The following FBLIM1 variants were observed in gnomAD, a reference collection of about 807,000 sequenced individuals.
FBLIM1 encodes filamin binding LIM protein 1, also known as filamin-binding LIM protein 1.
A neutral mutation model predicts 37.4 loss-of-function variants in FBLIM1; 29 were observed. The ratio of observed to expected loss-of-function variants is 0.77; its 90% CI spans 0.58 to 1.06. The LOEUF (loss-of-function observed/expected upper bound fraction) is 1.06. Ranked by LOEUF, FBLIM1 falls within the 50% of genes least tolerant of loss-of-function variation. The pLI, the probability that FBLIM1 is intolerant of heterozygous loss-of-function variation, is 0.00. For missense variants in FBLIM1, 449 were observed against 505.6 expected (o/e 0.89, Z 1.07); for synonymous variants, 193 against 199.0 (o/e 0.97, Z 0.25).
chr1:15,759,560 GC>G (rs111579388), intron 1 of FBLIM1, among the ~76,000 whole-genome samples: 1 of 152,150 alleles, frequency 6.6e-6, no homozygotes, highest in Non-Finnish European at 1.5e-5. Flanking sequence ...GCCGAGCCCA[GC>G]CCCCGGGCTG....
upstream of FBLIM1, chr1:15,758,288 T>C (rs1228151700): frequency 1.3e-5 from 2 of 152,206 alleles, no homozygotes; most frequent in Non-Finnish European, 2.9e-5. The surrounding 1 kb of genome is among the most constrained non-coding windows in gnomAD (Gnocchi z 6.2). Flanking sequence ...CGCAGAACCC[T>C]GGTCGGTTTG....
In FBLIM1 at chr1:15,770,478, A is replaced by G. The variant is rs146155640; in HGVS notation, c.611A>G (p.Tyr204Cys). 4 of 1,613,522 alleles carry G rather than the reference A, an allele frequency of 2.5e-6. No homozygotes were observed. In the African/African-American group the frequency reaches 4.0e-5, roughly 16 times the overall value. ...GCTGTGGAGGCCATGAAGAGGCAGT[A>G]CCATGCCCAGTGCTTCACGTGCCGC... Reference protein sequence around the residue: ...ELAVEAMKRQYHAQCFTCRTC... With the variant: ...ELAVEAMKRQCHAQCFTCRTC... The change falls in exon 6 of 9, where the codon TAC becomes TGC. Residue 204 changes from tyrosine to cysteine, a missense_variant. Coordinates refer to ENST00000375766, the MANE Select transcript of FBLIM1 (RefSeq NM_017556.4).
upstream of FBLIM1, among the ~76,000 whole-genome samples, chr1:15,757,167 C>A (rs1446577293): frequency 6.6e-6 from 1 of 152,206 alleles, no homozygotes; most frequent in Non-Finnish European, 1.5e-5. The surrounding 1 kb of genome is among the most constrained non-coding windows in gnomAD (Gnocchi z 4.1). Context: ...AGCCTTGAGT[C>A]CCAGCCTCGC....
chr1:15,758,850 T>G lies in FBLIM1; in HGVS notation c.-211+2T>G. On this transcript the variant is annotated splice_donor_variant, in intron 1 of 8. Coordinates refer to ENST00000375766, the MANE Select transcript of FBLIM1 (RefSeq NM_017556.4). LOFTEE classifies it low-confidence loss of function (5UTR_SPLICE). This position sits in a 1 kb window ranked among gnomAD's most constrained non-coding sequence, Gnocchi z 6.2. The stretch of plus-strand genomic sequence containing the variant: ...GCCGCCGGGGCGCGGGCGGCCCAGG[T>G]AAGCGGGCCGGGTGGGTGGGGGTCG... 9.7e-6 allele frequency: 1 copy of G among 103,414 alleles called. No individual in the cohort carries two copies. The highest frequency in any genetic ancestry group is 3.8e-5 in the African/African-American group (1 of 26,642). The allele number at this position is 103,414 out of a possible 1,614,324, so 6.4% of individuals were successfully genotyped here. A position where few individuals can be genotyped will look rare whatever the true frequency, so the allele number is the denominator to read the frequency against.
At position 15,768,597 on chromosome 1, in the gene FBLIM1, C is replaced by G. The variant is rs777096963; in HGVS notation, c.508C>G (p.Pro170Ala). The G allele has an allele frequency of 1.2e-6, 2 of 1,612,224 alleles. No homozygotes were observed. Among genetic ancestry groups the G allele is most frequent in the South Asian group, 2.2e-5 (2 of 90,760 alleles). The change falls in exon 5 of 9, where the codon CCG (proline) becomes GCG (alanine). Residue 170 changes from proline (P) to alanine (A), a missense_variant. Pro to Ala is a conservative substitution (Grantham distance 27). Coordinates refer to ENST00000375766, the MANE Select transcript of FBLIM1 (RefSeq NM_017556.4). ...CATGGAGGAAGAGCTGCCACCTCCC[C>G]CGGCAGAACCTGTTGAGAAAGGGGC... ...RPMEEELPPP[P>A]AEPVEKGAST... is the part of the protein sequence containing the mutation.
intron 3 of FBLIM1, among the ~76,000 whole-genome samples, chr1:15,766,496 C>T (rs2068930604): frequency 6.6e-6 from 1 of 152,038 alleles, no homozygotes; most frequent in Admixed American, 6.6e-5. Flanking sequence ...AGGGTTTCAC[C>T]AGGGTTGCCA....
At chr1:15,774,378 T>C (rs888891362) in intron 6 of FBLIM1, among the ~76,000 whole-genome samples, 1 of 152,226 alleles carries the variant, frequency 6.6e-6, no homozygotes, top group Non-Finnish European at 1.5e-5. Flanking sequence ...TAACAAGAAA[T>C]GCAGCCATAG....
chr1:15,762,404 A>T (rs2148470707), intron 1 of FBLIM1, among the ~76,000 whole-genome samples: 1 of 151,992 alleles, frequency 6.6e-6, no homozygotes, highest in African/African-American at 2.4e-5. Context: ...CTGAGATAAC[A>T]GGCGTCTGCC....
chr1:15,782,650 A>G (rs80303786), intron 8 of FBLIM1, among the ~76,000 whole-genome samples: 2,443 of 152,088 alleles, frequency 0.016, 64 homozygotes, highest in African/African-American at 0.057. Context: ...GTGCAGTTGT[A>G]TAGCCCATGG....
intron 4 of FBLIM1, 34 bp from the exon 5 acceptor site, chr1:15,768,494 C>A: frequency 7.1e-7 from 1 of 1,417,504 alleles, no homozygotes; most frequent in African/African-American, 1.5e-5. Context: ...TGCATGGGGT[C>A]CCACTGGATG....
intron 8 of FBLIM1, among the ~76,000 whole-genome samples, chr1:15,778,932 G>A (rs1028205615): frequency 1.3e-5 from 2 of 151,596 alleles, no homozygotes; most frequent in African/African-American, 2.4e-5. Context: ...GTGAGCCACC[G>A]TGCCCAGCGT....
Position 15,765,011 on chromosome 1 carries a change from G to A in FBLIM1, c.28G>A (p.Ala10Thr), listed in dbSNP as rs762757692. MASKPEKRV[A>T]SSVFITLAPP... The stretch of plus-strand genomic sequence containing the variant: ...GGCCTCAAAGCCTGAGAAGAGGGTG[G>A]CATCGTCTGTCTTTATCACCCTGGC... The change falls in exon 3 of 9, where the codon GCA becomes ACA. Residue 10 changes from alanine (A) to threonine (T), a missense_variant. Coordinates refer to ENST00000375766, the MANE Select transcript of FBLIM1 (RefSeq NM_017556.4). The surrounding 1 kb of genome is among the most constrained non-coding windows in gnomAD (Gnocchi z 5.9). 2.4e-5 allele frequency: 38 copies of A among 1,613,612 alleles called. 1 individual carries two copies. Among genetic ancestry groups the A allele is most frequent in the Non-Finnish European group, 3.1e-5 (37 of 1,179,912 alleles).
upstream of FBLIM1, among the ~76,000 whole-genome samples, chr1:15,757,138 G>A (rs766101833): frequency 6.6e-5 from 10 of 152,174 alleles, no homozygotes; most frequent in Non-Finnish European, 1.2e-4. The surrounding 1 kb of genome is among the most constrained non-coding windows in gnomAD (Gnocchi z 4.1). Context: ...CCAGGAATGA[G>A]CCGAGCAGGG....
At position 15,784,884 on chromosome 1, in the gene FBLIM1, A is replaced by G; in HGVS notation, c.*223A>G. 1 of 408,390 alleles carries G rather than the reference A, an allele frequency of 2.4e-6. No individual in the cohort carries two copies. The allele number at this position is 408,390 out of a possible 1,614,324, so 25.3% of individuals were successfully genotyped here. On this transcript the variant is annotated 3_prime_UTR_variant, in exon 9 of 9. Coordinates refer to ENST00000375766, the MANE Select transcript of FBLIM1 (RefSeq NM_017556.4). ...AGAAGGCTCCTGGACCATGAGCTTC[A>G]CCCCCAGAATTCCCTGCTGACCCTG... is the stretch of plus-strand genomic sequence containing the variant.
intron 6 of FBLIM1, among the ~76,000 whole-genome samples, chr1:15,771,639 C>T (rs1423225056): frequency 1.3e-5 from 2 of 152,054 alleles, no homozygotes; most frequent in African/African-American, 4.8e-5. Context: ...CCTATTGTCA[C>T]CTCTGTGTCA....
At chr1:15,769,380 G>A (rs1243302835) in intron 5 of FBLIM1, among the ~76,000 whole-genome samples, 1 of 152,128 alleles carries the variant, frequency 6.6e-6, no homozygotes, top group Non-Finnish European at 1.5e-5. Context: ...GGGAGGCTGA[G>A]GCAGGAGAAT....
Position 15,765,807 on chromosome 1 carries a change from G to A in FBLIM1, c.250+574G>A, listed in dbSNP as rs745821222. On this transcript the variant is annotated intron_variant, in intron 3 of 8. Transcript: ENST00000375766. The surrounding 1 kb of genome is among the most constrained non-coding windows in gnomAD (Gnocchi z 5.9). ...GACCCCCTTTCTGCCCACCTGCCCT[G>A]TGGCCTCGGGTCCCCCTGCTTCTCT... 5.4e-4 allele frequency among the ~76,000 whole-genome samples: 82 copies of A among 152,152 alleles called. No individual in the cohort carries two copies. Among genetic ancestry groups the A allele is most frequent in the Non-Finnish European group, 1.1e-3 (73 of 68,016 alleles).
chr1:15,778,477 A>C (rs1239033799), intron 8 of FBLIM1, among the ~76,000 whole-genome samples: 1 of 152,168 alleles, frequency 6.6e-6, no homozygotes, highest in Admixed American at 6.6e-5. Context: ...GGATGGTAGA[A>C]TCAAAGGCAC....
rs190084735 is a variant in FBLIM1 at position 15,779,076 on chromosome 1, C to A, written c.1008+1789C>A. Among the ~76,000 whole-genome samples the A allele has an allele frequency of 3.0e-3, 455 of 152,072 alleles. 1 individual carries two copies. Among genetic ancestry groups the A allele is most frequent in the African/African-American group, 0.011 (440 of 41,480 alleles). ...TCAGCCTCCTGAGTAGCTGGGATTA[C>A]AGGTGCGTGCCACCACGCCCGGCTA... On this transcript the variant is annotated intron_variant, in intron 8 of 8. Transcript: ENST00000375766.
Sources: allele counts gnomAD v4.1 joint callset (sites outside exome capture counted in the v4.1 genomes callset), GRCh38; gene constraint gnomAD v4.1.1; non-coding constraint Gnocchi (gnomAD v3.1); transcripts MANE v1.5; gene names NCBI Gene and HGNC (gene_info 2026-07-23, HGNC 2026-07-21).